TNNI3K: variants seen among roughly 807,000 people sequenced by gnomAD.
TNNI3K encodes the protein serine/threonine-protein kinase TNNI3K.
A neutral mutation model predicts 114.5 loss-of-function variants in TNNI3K; 140 were observed. The observed-to-expected ratio is 1.22, with a 90% CI of 1.07 to 1.41. The LOEUF (loss-of-function observed/expected upper bound fraction) is 1.41, where lower values mean the gene tolerates loss of function less well. Ranked by LOEUF, TNNI3K falls within the 40% of genes most tolerant of loss-of-function variation. The pLI is 0.00. For synonymous variants in TNNI3K, 347 were observed against 347.5 expected (o/e 1.00, Z 0.02); for missense variants, 1,125 against 1,007.6 (o/e 1.12, Z -1.58).
chr1:74,398,372 C>T (rs780261799), intron 17 of TNNI3K, among the ~76,000 whole-genome samples: 2 of 152,072 alleles, frequency 1.3e-5, no homozygotes, highest in African/African-American at 2.4e-5. Context: ...CCCCAGGCCA[C>T]GTGTGATGCA....
intron 4 of TNNI3K, among the ~76,000 whole-genome samples, chr1:74,257,974 G>A (rs781113932): frequency 6.6e-6 from 1 of 151,896 alleles, no homozygotes; most frequent in African/African-American, 2.4e-5. Context: ...GCCGCCTCTC[G>A]GCATACCTCT....
chr1:74,470,463 A>G (rs191771413), intron 21 of TNNI3K: 28 of 400,614 alleles, frequency 7.0e-5, no homozygotes, highest in African/African-American at 3.7e-4. Context: ...TTTCGCTACT[A>G]TTGGTTAGGT....
chr1:74,486,480 T>C (rs1429854382), intron 21 of TNNI3K, among the ~76,000 whole-genome samples: 3 of 146,734 alleles, frequency 2.0e-5, no homozygotes, highest in African/African-American at 7.8e-5. Context: ...CATCATCACT[T>C]TTTTTGTGTG....
At chr1:74,297,299 C>T (rs1658046758) in intron 5 of TNNI3K, among the ~76,000 whole-genome samples, 1 of 152,112 alleles carries the variant, frequency 6.6e-6, no homozygotes. Flanking sequence ...CACTGGTATT[C>T]CCCCTGATAT....
intron 23 of TNNI3K, among the ~76,000 whole-genome samples, chr1:74,528,428 G>T (rs1194620695): frequency 6.6e-6 from 1 of 152,130 alleles, no homozygotes; most frequent in African/African-American, 2.4e-5. Context: ...GAGTGAGGAA[G>T]CCTTCTGCAT....
At chr1:74,454,366 T>C (rs1362148566) in intron 20 of TNNI3K, among the ~76,000 whole-genome samples, 1 of 152,134 alleles carries the variant, frequency 6.6e-6, no homozygotes, top group Non-Finnish European at 1.5e-5. Flanking sequence ...CTTTATCTCA[T>C]CTTCCCCACT....
At chr1:74,543,143 C>T (rs1237320719) in intron 24 of TNNI3K, among the ~76,000 whole-genome samples, 3 of 129,526 alleles carry the variant, frequency 2.3e-5, no homozygotes, top group East Asian at 2.4e-4. Flanking sequence ...GGTGCGATCT[C>T]GGCTCACTGC....
At chr1:74,356,598 G>A (rs542575635) in intron 11 of TNNI3K, among the ~76,000 whole-genome samples, 2 of 152,142 alleles carry the variant, frequency 1.3e-5, no homozygotes, top group South Asian at 2.1e-4. Flanking sequence ...TTAGTCTTCC[G>A]GAAGGCAGCT....
chr1:74,479,723 A>G (rs1452804746), intron 21 of TNNI3K, among the ~76,000 whole-genome samples: 1 of 152,240 alleles, frequency 6.6e-6, no homozygotes, highest in Non-Finnish European at 1.5e-5. Flanking sequence ...CACAAATGTA[A>G]GTGCCTTGAG....
At position 74,345,580 on chromosome 1, in the gene TNNI3K, A is replaced by T. The variant is rs375333023; in HGVS notation, c.932+2401A>T. Among the ~76,000 whole-genome samples, 12 of 152,306 alleles carry T rather than the reference A, an allele frequency of 7.9e-5. No homozygotes were observed. The South Asian group carries it at 1.4e-3, about 18-fold the overall frequency. ...GCCATCCCAGGAAGAGGAAATGCTA[A>T]GACCCAGTGAACTCCCTCTTTTTTT... On this transcript the variant is annotated intron_variant, in intron 9 of 24. Transcript: ENST00000326637.
intron 21 of TNNI3K, among the ~76,000 whole-genome samples, chr1:74,465,113 A>G (rs45566631): frequency 0.014 from 2,093 of 152,304 alleles, 40 homozygotes; most frequent in African/African-American, 0.048. Flanking sequence ...CTATTGAGAG[A>G]TGACAACGTG....
chr1:74,256,942 A>G (rs1232579832), intron 4 of TNNI3K, among the ~76,000 whole-genome samples: 1 of 152,146 alleles, frequency 6.6e-6, no homozygotes. Context: ...ACTCTTTGAG[A>G]TTCACTGAGT....
At chr1:74,326,067 T>C (rs983396161) in intron 5 of TNNI3K, among the ~76,000 whole-genome samples, 2 of 152,034 alleles carry the variant, frequency 1.3e-5, no homozygotes, top group African/African-American at 4.8e-5. Context: ...CTGTAAATCT[T>C]AAGGAAAACA....
intron 21 of TNNI3K, among the ~76,000 whole-genome samples, chr1:74,482,592 T>C (rs1570680980): frequency 6.6e-6 from 1 of 152,190 alleles, no homozygotes; most frequent in African/African-American, 2.4e-5. Flanking sequence ...AATTATCCTC[T>C]TCCACTCTGT....
intron 23 of TNNI3K, among the ~76,000 whole-genome samples, chr1:74,496,133 C>T (rs9730586): frequency 0.63 from 95,705 of 152,006 alleles, 30,914 homozygotes; most frequent in African/African-American, 0.78. Flanking sequence ...CTTTAAAGTT[C>T]CCCAGGTGAT....
intron 23 of TNNI3K, among the ~76,000 whole-genome samples, chr1:74,537,823 A>G (rs1052698852): frequency 2.0e-5 from 3 of 152,196 alleles, no homozygotes; most frequent in African/African-American, 7.2e-5. Flanking sequence ...GAGGGCTTCA[A>G]GGAAGATGCC....
chr1:74,293,955 A>C (rs1023259781), intron 5 of TNNI3K, among the ~76,000 whole-genome samples: 1 of 151,578 alleles, frequency 6.6e-6, no homozygotes, highest in Non-Finnish European at 1.5e-5. Flanking sequence ...TCATTATGTA[A>C]TTTTCTTCTA....
intron 17 of TNNI3K, among the ~76,000 whole-genome samples, chr1:74,399,175 A>C (rs1475938776): frequency 2.0e-5 from 3 of 151,262 alleles, no homozygotes; most frequent in Admixed American, 6.6e-5. Flanking sequence ...AAAAAAAAAA[A>C]AAAACACCCA....
At chr1:74,503,181 T>C (rs1447301505) in intron 23 of TNNI3K, among the ~76,000 whole-genome samples, 1 of 152,174 alleles carries the variant, frequency 6.6e-6, no homozygotes, top group African/African-American at 2.4e-5. Flanking sequence ...TTTCTGGTGA[T>C]GAAAGTCCAA....
Sources: allele counts gnomAD v4.1 joint callset (sites outside exome capture counted in the v4.1 genomes callset), GRCh38; gene constraint gnomAD v4.1.1; transcripts MANE v1.5; gene names NCBI Gene and HGNC (gene_info 2026-07-23, HGNC 2026-07-21).